PDE6C: variants seen among roughly 807,000 people sequenced by gnomAD.
The protein encoded by PDE6C is cone cGMP-specific 3',5'-cyclic phosphodiesterase subunit alpha'.
Under a neutral mutation model 113.1 loss-of-function variants are expected in PDE6C, and 75 were observed. The ratio of observed to expected loss-of-function variants is 0.66; its 90% CI spans 0.55 to 0.80. The LOEUF (loss-of-function observed/expected upper bound fraction) is 0.80, where lower values mean the gene tolerates loss of function less well. Among genes scored for constraint, PDE6C ranks in the 30% least tolerant of loss-of-function variants. The pLI is 0.00. For missense variants in PDE6C, 912 were observed against 1,038.6 expected (o/e 0.88, Z 1.67); for synonymous variants, 375 against 363.7 (o/e 1.03, Z -0.35).
At chr10:93,655,883 T>A in intron 16 of PDE6C, 23 bp downstream of exon 16, 1 of 1,115,526 alleles carries the variant, frequency 9.0e-7, no homozygotes, top group Non-Finnish European at 1.4e-6. Flanking sequence ...CTCTGCACAG[T>A]GGAATGCCCT....
intron 15 of PDE6C, among the ~76,000 whole-genome samples, chr10:93,655,349 G>A (rs1193255660): frequency 1.3e-5 from 2 of 152,220 alleles, no homozygotes; most frequent in East Asian, 3.9e-4. Flanking sequence ...TTACCTGGTA[G>A]ATAAAGTAAC....
chr10:93,645,997 A>G lies in PDE6C; in HGVS notation c.1885A>G (p.Ile629Val), dbSNP rs140801294. 123 of 1,609,710 alleles carry G rather than the reference A, an allele frequency of 7.6e-5. No individual in the cohort carries two copies. The highest frequency in any genetic ancestry group is 1.6e-4 in the Middle Eastern group (1 of 6,068). ...ATTAGCAAGACTTCATGGTTCTTCT[A>G]TTTTGGAGAGGCACCACCTGGAGTA... Reference protein sequence around the residue: ...SPLARLHGSSILERHHLEYSK... With the variant: ...SPLARLHGSSVLERHHLEYSK... Residue 629 changes from isoleucine to valine, a missense_variant, in exon 15 of 22, where the codon ATT (isoleucine) becomes GTT (valine). Physicochemically the swap from Ile to Val is conservative, Grantham distance 29. Coordinates refer to ENST00000371447, the MANE Select transcript of PDE6C (RefSeq NM_006204.4).
intron 14 of PDE6C, among the ~76,000 whole-genome samples, chr10:93,642,845 A>G (rs2134614108): frequency 6.6e-6 from 1 of 152,280 alleles, no homozygotes; most frequent in Middle Eastern, 3.4e-3. Flanking sequence ...CAGCAATTCT[A>G]CCTATTATTA....
chr10:93,631,031 G>A (rs2058499123), intron 8 of PDE6C, among the ~76,000 whole-genome samples: 1 of 152,234 alleles, frequency 6.6e-6, no homozygotes, highest in African/African-American at 2.4e-5. Context: ...CAGGGAGTGG[G>A]AATGGAGCTG....
intron 20 of PDE6C, among the ~76,000 whole-genome samples, 153 bp downstream of exon 20, chr10:93,662,796 T>G (rs1221350346): frequency 6.6e-6 from 1 of 152,130 alleles, no homozygotes; most frequent in East Asian, 1.9e-4. Flanking sequence ...CCTAATCTCA[T>G]TCAGGGCTGG....
At chr10:93,613,352 G>T in intron 1 of PDE6C, 147 bp downstream of exon 1, 1 of 1,100,546 alleles carries the variant, frequency 9.1e-7, no homozygotes. Flanking sequence ...CCCAGGCCTA[G>T]TGTTGCCAAA....
At chr10:93,650,260 T>C (rs1191069759) in intron 15 of PDE6C, among the ~76,000 whole-genome samples, 1 of 152,214 alleles carries the variant, frequency 6.6e-6, no homozygotes, top group Non-Finnish European at 1.5e-5. Flanking sequence ...TCATTCCTTT[T>C]TTTAGAGATG....
intron 11 of PDE6C, among the ~76,000 whole-genome samples, chr10:93,638,733 C>T (rs569432453): frequency 1.3e-5 from 2 of 152,256 alleles, no homozygotes; most frequent in South Asian, 2.1e-4. Context: ...TTCCCAGCTA[C>T]GTAATTATTT....
At chr10:93,640,327 T>C in intron 12 of PDE6C, 111 bp downstream of exon 12, 1 of 1,297,614 alleles carries the variant, frequency 7.7e-7, no homozygotes, top group South Asian at 1.2e-5. Context: ...ATTATTAACT[T>C]TCTAAATACA....
At chr10:93,629,443 C>T (rs935224067) in intron 8 of PDE6C, 138 bp downstream of exon 8, 1 of 751,196 alleles carries the variant, frequency 1.3e-6, no homozygotes, top group Non-Finnish European at 2.5e-6. Context: ...TCCCACTCAC[C>T]CTGGCTGGGC....
intron 8 of PDE6C, 150 bp from the exon 9 acceptor site, chr10:93,634,608 T>C (rs745797992): frequency 6.7e-6 from 5 of 747,324 alleles, no homozygotes; most frequent in South Asian, 1.7e-5. Flanking sequence ...AAATGTACTG[T>C]AGTTGTCTAA....
chr10:93,639,452 G>A (rs538794703), intron 11 of PDE6C, among the ~76,000 whole-genome samples: 1 of 152,260 alleles, frequency 6.6e-6, no homozygotes, highest in South Asian at 2.1e-4. Context: ...CCAGATGTGA[G>A]TTAAATGAAA....
chr10:93,634,413 C>T (rs528178221), intron 8 of PDE6C, among the ~76,000 whole-genome samples: 12 of 152,226 alleles, frequency 7.9e-5, no homozygotes, highest in African/African-American at 2.9e-4. Context: ...AGTGTTGTAT[C>T]TTGATTCTAA....
At chr10:93,627,544 G>GGTGGGGATGGT (rs2058480020) in intron 7 of PDE6C, among the ~76,000 whole-genome samples, 2 of 152,244 alleles carry the variant, frequency 1.3e-5, no homozygotes, top group Non-Finnish European at 2.9e-5. Context: ...TGGGGGATGG[G>GGTGGGGATGGT]GTGGGGATGG....
At position 93,635,496 on chromosome 10, in the gene PDE6C, G is replaced by A. The variant is rs2058523943; in HGVS notation, c.1270-1G>A. On this transcript the variant is annotated splice_acceptor_variant, in intron 9 of 21. Coordinates refer to ENST00000371447, the MANE Select transcript of PDE6C (RefSeq NM_006204.4). LOFTEE classifies it high-confidence loss of function. ...TTAGAATCACCTTTTATCCATTTCA[G>A]ACTCTCACACAATTTCTTGGATGGT... 1.2e-6 allele frequency: 2 copies of A among 1,610,592 alleles called. No homozygotes were observed. Among genetic ancestry groups the A allele is most frequent in the Non-Finnish European group, 8.5e-7 (1 of 1,176,894 alleles).
At chr10:93,664,404 TAGAGAGTAA>T (rs1477602227) in intron 21 of PDE6C, among the ~76,000 whole-genome samples, 1 of 152,140 alleles carries the variant, frequency 6.6e-6, no homozygotes, top group African/African-American at 2.4e-5. Flanking sequence ...AGCTGGAGTC[TAGAGAGTAA>T]AGAGTGCGAA....
chr10:93,637,180 A>G (rs2058537696), intron 11 of PDE6C, 117 bp downstream of exon 11: 6 of 677,256 alleles, frequency 8.9e-6, no homozygotes, highest in South Asian at 3.3e-5. Flanking sequence ...CTTTCCTGAT[A>G]TTTCTCAAGG....
chr10:93,636,361 C>A, intron 10 of PDE6C, among the ~76,000 whole-genome samples: 1 of 65,044 alleles, frequency 1.5e-5, no homozygotes, highest in African/African-American at 5.7e-5. Flanking sequence ...CTTTTATTTC[C>A]CTGGCTTTGT....
Position 93,634,842 on chromosome 10 carries a change from G to A in PDE6C, c.1204G>A (p.Val402Met). ...IVNKKEDIVG[V>M]ATFYNRKDGK... ...CAACAAGAAAGAAGATATTGTGGGAGTGGCTACATTTTACAACAGGAAGGA... is the reference window on the plus strand; with the variant it reads ...CAACAAGAAAGAAGATATTGTGGGAATGGCTACATTTTACAACAGGAAGGA... The change falls in exon 9 of 22, where the codon GTG becomes ATG. Residue 402 changes from valine (V) to methionine (M), a missense_variant. By Grantham distance (21) the Val-to-Met change is conservative (BLOSUM62 1). Transcript: ENST00000371447. 1 of 1,614,148 alleles carries A rather than the reference G, an allele frequency of 6.2e-7. No homozygotes were observed. The highest frequency in any genetic ancestry group is 1.1e-5 in the South Asian group (1 of 91,084).
Sources: gnomAD v4.1 joint callset for allele counts (sites outside exome capture counted in the v4.1 genomes callset) on GRCh38, gnomAD v4.1.1 for gene constraint, MANE v1.5 for transcripts, NCBI Gene and HGNC (gene_info 2026-07-23, HGNC 2026-07-21) for gene names.